The following NAV1 variants were observed in gnomAD, a reference collection of about 807,000 sequenced individuals.
NAV1 encodes neuron navigator 1.
NAV1 carries 18 observed loss-of-function variants against 175.2 expected under a neutral mutation model. The observed-to-expected ratio is 0.10, with a 90% CI of 0.07 to 0.15. The LOEUF (loss-of-function observed/expected upper bound fraction) is 0.15. Among genes scored for constraint, NAV1 ranks in the 10% least tolerant of loss-of-function variants. NAV1 has a pLI of 1.00. For synonymous variants in NAV1, 897 were observed against 978.7 expected (o/e 0.92, Z 1.56); for missense variants, 1,731 against 2,436.6 (o/e 0.71, Z 6.10).
intron 1 of NAV1, among the ~76,000 whole-genome samples, chr1:201,655,298 C>T (rs1669357474): frequency 6.6e-6 from 1 of 152,234 alleles, no homozygotes; most frequent in Non-Finnish European, 1.5e-5. Flanking sequence ...CTCCCTCTGC[C>T]TGGAAAGCCT....
intron 25 of NAV1, 30 bp downstream of exon 29, chr1:201,811,787 A>C: frequency 6.2e-7 from 1 of 1,603,904 alleles, no homozygotes; most frequent in Non-Finnish European, 8.5e-7. Context: ...GACAAAATTC[A>C]TCGAAGTGGG....
intron 1 of NAV1, among the ~76,000 whole-genome samples, chr1:201,655,306 C>T (rs1669357768): frequency 6.6e-6 from 1 of 152,234 alleles, no homozygotes; most frequent in Non-Finnish European, 1.5e-5. Flanking sequence ...GCCTGGAAAG[C>T]CTGAGCCAGC....
intron 2 of NAV1, among the ~76,000 whole-genome samples, chr1:201,595,365 C>T (rs1667322027): frequency 6.6e-6 from 1 of 152,214 alleles, no homozygotes; most frequent in Admixed American, 6.5e-5. Flanking sequence ...TCAACAAATC[C>T]CTTCCTTTCA....
chr1:201,655,259 A>G (rs754588626), intron 1 of NAV1, among the ~76,000 whole-genome samples: 14 of 151,500 alleles, frequency 9.2e-5, no homozygotes, highest in Non-Finnish European at 1.8e-4. Context: ...TCTCCTCCCC[A>G]AAGCCCAAAG....
Position 201,568,873 on chromosome 1 carries a change from C to T in NAV1, c.-143-19666C>T, listed in dbSNP as rs553429048. 4.0e-5 allele frequency among the ~76,000 whole-genome samples: 6 copies of T among 151,742 alleles called. No individual in the cohort carries two copies. The South Asian group carries it at 8.3e-4, about 21-fold the overall frequency. On this transcript the variant is annotated intron_variant, in intron 1 of 33. Coordinates refer to the NAV1 transcript ENST00000685211. Reference sequence around the variant, plus strand: ...AAAGTTCAGATGTGCCTCATGCATGCGCAGAAGTTTGCGGGGGTCCTCTAG... The same window carrying T: ...AAAGTTCAGATGTGCCTCATGCATGTGCAGAAGTTTGCGGGGGTCCTCTAG...
At chr1:201,775,771 TAG>T (rs1348751764) in intron 3 of NAV1, among the ~76,000 whole-genome samples, 1 of 152,160 alleles carries the variant, frequency 6.6e-6, no homozygotes, top group Non-Finnish European at 1.5e-5. Context: ...TAAAATATGG[TAG>T]AAGCCTGGGC....
rs534929321 is a variant in NAV1, at chr1:201,681,694, C to A, written c.758-31123C>A. 2.2e-4 allele frequency among the ~76,000 whole-genome samples: 34 copies of A among 152,338 alleles called. No individual in the cohort carries two copies. The East Asian group carries it at 3.5e-3, about 16-fold the overall frequency. Reference sequence around the variant, plus strand: ...CCATCCTTTAAGAATATTTTTCCAGCCAGGCGCAGTGGCTCACGCCTGTAA... The same window carrying A: ...CCATCCTTTAAGAATATTTTTCCAGACAGGCGCAGTGGCTCACGCCTGTAA... On this transcript the variant is annotated intron_variant, in intron 1 of 29. Coordinates refer to ENST00000367296, the Ensembl canonical transcript of NAV1.
At chr1:201,565,402 A>G (rs1033854747) in intron 1 of NAV1, among the ~76,000 whole-genome samples, 1 of 152,244 alleles carries the variant, frequency 6.6e-6, no homozygotes, top group Non-Finnish European at 1.5e-5. Flanking sequence ...CGCCATCAGA[A>G]GAGAAACTGA....
At chr1:201,649,190 C>G (rs1487901879) in exon 1 of NAV1, 1 of 1,612,378 alleles carries the variant, frequency 6.2e-7, no homozygotes, top group African/African-American at 1.3e-5. Context: ...CGAGCCGGAT[C>G]CCTCGAGGAC....
chr1:201,652,622 C>G (rs1384820402), intron 1 of NAV1, among the ~76,000 whole-genome samples: 3 of 142,652 alleles, frequency 2.1e-5, no homozygotes, highest in African/African-American at 7.4e-5. Flanking sequence ...GTGTAGAAGT[C>G]CTAAGCTCTG....
At chr1:201,637,527 T>G (rs746861180) in intron 2 of NAV1, among the ~76,000 whole-genome samples, 8 of 152,116 alleles carry the variant, frequency 5.3e-5, no homozygotes, top group Admixed American at 1.3e-4. Context: ...CTCATCAGGT[T>G]TTTGGGTTTG....
chr1:201,613,209 C>T (rs971760107), intron 2 of NAV1, among the ~76,000 whole-genome samples: 4 of 152,048 alleles, frequency 2.6e-5, no homozygotes, highest in Non-Finnish European at 5.9e-5. Context: ...AAGAGATCTC[C>T]CCATCTTTCT....
chr1:201,710,090 G>A (rs1339007993), intron 1 of NAV1, among the ~76,000 whole-genome samples: 1 of 151,494 alleles, frequency 6.6e-6, no homozygotes, highest in Non-Finnish European at 1.5e-5. Context: ...ACTCCCATCT[G>A]GAGCATCTGG....
chr1:201,720,701 T>C (rs566991058), intron 3 of NAV1, among the ~76,000 whole-genome samples: 79 of 152,386 alleles, frequency 5.2e-4, no homozygotes, highest in Admixed American at 1.8e-3. Context: ...CTCAGGGTTC[T>C]GATGAGGATT....
At chr1:201,671,707 G>A (rs1261473409) in intron 1 of NAV1, among the ~76,000 whole-genome samples, 1 of 152,186 alleles carries the variant, frequency 6.6e-6, no homozygotes, top group African/African-American at 2.4e-5. Context: ...TGGGTCTCTA[G>A]GCAGTGGGCA....
Position 201,788,665 on chromosome 1 carries a change from C to T in NAV1, c.3166+27C>T, listed in dbSNP as rs373634404. On this transcript the variant is annotated intron_variant, in intron 10 of 29. Coordinates refer to ENST00000367296, the Ensembl canonical transcript of NAV1. This position sits in a 1 kb window ranked among gnomAD's most constrained non-coding sequence, Gnocchi z 5.7. The stretch of plus-strand genomic sequence containing the variant: ...TGAGACTTCATGCTAGCGCGGTTCA[C>T]GCTCATTCCAGCTCTGCTGGGTCCC... The T allele has an allele frequency of 4.9e-5, 77 of 1,583,288 alleles. No individual in the cohort carries two copies. Among genetic ancestry groups the T allele is most frequent in the Admixed American group, 2.6e-4 (15 of 58,792 alleles).
At chr1:201,703,839 C>G (rs1247783782) in intron 1 of NAV1, among the ~76,000 whole-genome samples, 2 of 152,292 alleles carry the variant, frequency 1.3e-5, no homozygotes, top group East Asian at 3.9e-4. Flanking sequence ...AAAGGGTCAG[C>G]CTGGGTGTGG....
chr1:201,686,260 A>C, intron 1 of NAV1, among the ~76,000 whole-genome samples: 1 of 97,428 alleles, frequency 1.0e-5, no homozygotes, highest in African/African-American at 4.2e-5. Context: ...CACTCCCCTC[A>C]AGCTGCCCTC....
intron 3 of NAV1, among the ~76,000 whole-genome samples, chr1:201,722,523 C>A (rs373331716): frequency 6.6e-6 from 1 of 152,154 alleles, no homozygotes; most frequent in East Asian, 1.9e-4. Context: ...TGGGTTGTTA[C>A]CACCTTTTGG....
Sources: gnomAD v4.1 joint callset for allele counts (sites outside exome capture counted in the v4.1 genomes callset) on GRCh38, gnomAD v4.1.1 for gene constraint, Gnocchi (gnomAD v3.1) non-coding constraint, MANE v1.5 for transcripts, NCBI Gene and HGNC (gene_info 2026-07-23, HGNC 2026-07-21) for gene names.